The following GPC6 variants were observed in gnomAD, a reference collection of about 807,000 sequenced individuals.
The protein encoded by GPC6 is glypican 6.
Under a neutral mutation model 55.2 loss-of-function variants are expected in GPC6, and 14 were observed. The ratio of observed to expected loss-of-function variants is 0.25; its 90% CI spans 0.17 to 0.40. GPC6 has a LOEUF of 0.40. Ranked by LOEUF, GPC6 falls within the 10% of genes least tolerant of loss-of-function variation. The probability of loss-of-function intolerance (pLI) is 1.00; values close to 1 mark genes in which losing one functional copy is unlikely to be tolerated. For synonymous variants in GPC6, 278 were observed against 259.6 expected, an observed-to-expected ratio of 1.07 and a Z score of -0.68; for missense variants, 641 against 708.5, an observed-to-expected ratio of 0.90 and a Z score of 1.08.
chr13:93,660,468 C>A (rs1197842698), intron 2 of GPC6, among the ~76,000 whole-genome samples: 1 of 152,044 alleles, frequency 6.6e-6, no homozygotes, highest in African/African-American at 2.4e-5. Flanking sequence ...TGTAGTAAAA[C>A]CTGACATAAA....
intron 1 of GPC6, among the ~76,000 whole-genome samples, chr13:93,351,881 T>C (rs1318527942): frequency 6.6e-6 from 1 of 152,128 alleles, no homozygotes; most frequent in Non-Finnish European, 1.5e-5. Flanking sequence ...TAAAAGGTAA[T>C]TATTAAGGAT....
In GPC6 at chr13:94,077,078, A is replaced by G. The variant is rs187652707; in HGVS notation, c.877+49184A>G. 3.8e-3 allele frequency among the ~76,000 whole-genome samples: 573 copies of G among 151,560 alleles called. 2 individuals carry two copies. The highest frequency in any genetic ancestry group is 0.013 in the African/African-American group (551 of 41,434). ...GTTGATCAGTTTGGGTACTATGGAC[A>G]TTAGAACAGTAACAGTATTAAGTTT... On this transcript the variant is annotated intron_variant, in intron 4 of 8. Coordinates refer to ENST00000377047, the MANE Select transcript of GPC6 (RefSeq NM_005708.5).
intron 7 of GPC6, among the ~76,000 whole-genome samples, chr13:94,397,624 G>T (rs1386268742): frequency 6.6e-6 from 1 of 152,100 alleles, no homozygotes; most frequent in African/African-American, 2.4e-5. Context: ...TTCTGATTAA[G>T]ATCTGAGGTA....
rs566745165 is a variant in GPC6 at position 94,313,707 on chromosome 13, G to C, written c.1152+7584G>C. ...TTTTGCACAACTTAATATTAAGTGT[G>C]AGTTATATTAAATCATATTGGGGGC... On this transcript the variant is annotated intron_variant, in intron 6 of 8. Coordinates refer to ENST00000377047, the MANE Select transcript of GPC6 (RefSeq NM_005708.5). Among the ~76,000 whole-genome samples, 158 of 152,292 alleles carry C rather than the reference G, an allele frequency of 1.0e-3. No individual in the cohort carries two copies. In the Middle Eastern group the frequency reaches 0.02, roughly 20 times the overall value.
chr13:94,160,811 A>G (rs1242924499), intron 4 of GPC6, among the ~76,000 whole-genome samples: 3 of 152,186 alleles, frequency 2.0e-5, no homozygotes, highest in Non-Finnish European at 4.4e-5. Context: ...AAATTTGTCA[A>G]TTATTTTTTA....
intron 2 of GPC6, among the ~76,000 whole-genome samples, chr13:93,729,753 A>G (rs1401918651): frequency 6.6e-6 from 1 of 152,314 alleles, no homozygotes; most frequent in African/African-American, 2.4e-5. Context: ...ATGTGTGCAC[A>G]TGGCTGTACT....
At chr13:94,075,799 C>A (rs1016811614) in intron 4 of GPC6, among the ~76,000 whole-genome samples, 46 of 152,036 alleles carry the variant, frequency 3.0e-4, no homozygotes, top group Admixed American at 3.0e-3. Context: ...ACAGGATTTC[C>A]TACTTTCTAA....
intron 3 of GPC6, among the ~76,000 whole-genome samples, chr13:94,000,338 T>C (rs1881744236): frequency 6.6e-6 from 1 of 152,190 alleles, no homozygotes. Context: ...CTCTGGCATG[T>C]GTGTTGTTAT....
chr13:93,251,427 T>C (rs1876783398), intron 1 of GPC6, among the ~76,000 whole-genome samples: 1 of 152,228 alleles, frequency 6.6e-6, no homozygotes, highest in Non-Finnish European at 1.5e-5. Context: ...TTAAAGTATT[T>C]GTAAAACATT....
intron 2 of GPC6, among the ~76,000 whole-genome samples, chr13:93,569,241 C>T (rs1308253596): frequency 6.6e-6 from 1 of 152,024 alleles, no homozygotes; most frequent in African/African-American, 2.4e-5. Flanking sequence ...TGGACTAGAA[C>T]ACTAGTCAAC....
At chr13:93,960,075 G>A (rs1336063212) in intron 3 of GPC6, among the ~76,000 whole-genome samples, 1 of 152,180 alleles carries the variant, frequency 6.6e-6, no homozygotes, top group African/African-American at 2.4e-5. Flanking sequence ...TAGTGAAAAG[G>A]TGGGAAAAAT....
intron 3 of GPC6, among the ~76,000 whole-genome samples, chr13:94,010,710 G>A (rs1219004595): frequency 6.6e-6 from 1 of 152,070 alleles, no homozygotes; most frequent in Non-Finnish European, 1.5e-5. Context: ...CTGACATAAG[G>A]CAATGTGGGA....
chr13:94,102,547 G>A (rs554817473), intron 4 of GPC6, among the ~76,000 whole-genome samples: 14 of 150,524 alleles, frequency 9.3e-5, no homozygotes, highest in South Asian at 2.1e-4. Flanking sequence ...TAAAAACTAA[G>A]CCTTGTTAAT....
At chr13:94,343,836 T>G (rs1422705260) in intron 6 of GPC6, among the ~76,000 whole-genome samples, 1 of 152,078 alleles carries the variant, frequency 6.6e-6, no homozygotes, top group African/African-American at 2.4e-5. Context: ...GCTCAGGTGA[T>G]CCTCCCACCT....
At chr13:93,926,936 T>C (rs1877890745) in intron 3 of GPC6, among the ~76,000 whole-genome samples, 1 of 152,178 alleles carries the variant, frequency 6.6e-6, no homozygotes, top group Admixed American at 6.5e-5. Context: ...AATGATGGCA[T>C]ACAGTTCAGA....
At chr13:93,908,985 G>C (rs1401878756) in intron 3 of GPC6, among the ~76,000 whole-genome samples, 2 of 151,942 alleles carry the variant, frequency 1.3e-5, no homozygotes, top group Non-Finnish European at 2.9e-5. Flanking sequence ...CTCTTGCTTT[G>C]GTGTTTGTCT....
At chr13:93,924,086 A>G (rs971383331) in intron 3 of GPC6, among the ~76,000 whole-genome samples, 2 of 152,216 alleles carry the variant, frequency 1.3e-5, no homozygotes, top group African/African-American at 4.8e-5. Context: ...TGCATTGCTG[A>G]TTAGTCTACT....
chr13:93,411,829 C>T (rs1297474626), intron 1 of GPC6, among the ~76,000 whole-genome samples: 9 of 151,528 alleles, frequency 5.9e-5, no homozygotes, highest in South Asian at 2.1e-4. Flanking sequence ...GGTGAATCCC[C>T]GTCTCTACTA....
At chr13:93,733,619 T>G (rs1047736443) in intron 2 of GPC6, among the ~76,000 whole-genome samples, 1 of 152,032 alleles carries the variant, frequency 6.6e-6, no homozygotes, top group Non-Finnish European at 1.5e-5. Context: ...TAGCTGTCCT[T>G]GAAGAGTTGG....
Sources: gnomAD v4.1 joint callset for allele counts (sites outside exome capture counted in the v4.1 genomes callset) on GRCh38, gnomAD v4.1.1 for gene constraint, MANE v1.5 for transcripts, NCBI Gene and HGNC (gene_info 2026-07-23, HGNC 2026-07-21) for gene names.